DUSP15: variants seen among roughly 807,000 people sequenced by gnomAD.
DUSP15 encodes dual specificity phosphatase 15.
In DUSP15, 23 loss-of-function variants were observed where a neutral mutation model predicts 26.3. The observed-to-expected ratio is 0.87, with a 90% confidence interval of 0.63 to 1.24. The LOEUF (loss-of-function observed/expected upper bound fraction) is 1.24, where lower values mean the gene tolerates loss of function less well. Ranked by LOEUF, DUSP15 falls within the 50% of genes most tolerant of loss-of-function variation. The pLI is 0.00. For synonymous variants in DUSP15, 143 were observed against 135.5 expected, an observed-to-expected ratio of 1.06 and a Z score of -0.39; for missense variants, 364 against 320.6, an observed-to-expected ratio of 1.14 and a Z score of -1.03.
At chr20:31,862,321 G>A (rs1755459310) in intron 6 of DUSP15, among the ~76,000 whole-genome samples, 1 of 152,176 alleles carries the variant, frequency 6.6e-6, no homozygotes, top group Non-Finnish European at 1.5e-5. Flanking sequence ...GGGGAGGGCT[G>A]GAAGACCTGG....
rs760222579 is a variant in DUSP15, at chr20:31,861,604, C to A, written c.507G>T (p.Leu169=). ...FRDEEELRAL[L]PLCKRCRQGS... ...CCTGCCGGCAGCGCTTGCACAGCGGCAGCAGCGCGCGCAACTCCTCCTCGT... is the reference window on the plus strand; with the variant it reads ...CCTGCCGGCAGCGCTTGCACAGCGGAAGCAGCGCGCGCAACTCCTCCTCGT... The change falls in exon 7 of 7, where the codon CTG becomes CTT. Residue 169 remains leucine, a synonymous_variant. Coordinates refer to ENST00000339738, the MANE Select transcript of DUSP15 (RefSeq NM_080611.5). The A allele has an allele frequency of 3.2e-5, 48 of 1,493,040 alleles. No homozygotes were observed. Among genetic ancestry groups the A allele is most frequent in the Admixed American group, 6.6e-5 (3 of 45,406 alleles). The allele number at this position is 1,493,040 out of a possible 1,614,324, so 92.5% of individuals were successfully genotyped here. A position where few individuals can be genotyped will look rare whatever the true frequency, so the allele number is the denominator to read the frequency against.
downstream of DUSP15, among the ~76,000 whole-genome samples, chr20:31,846,434 G>A (rs963158767): frequency 7.7e-6 from 1 of 130,332 alleles, no homozygotes; most frequent in South Asian, 2.3e-4. Flanking sequence ...AGGAGTGAAA[G>A]GAATGAATAG....
chr20:31,849,720 T>A lies in DUSP15; in HGVS notation c.628+18A>T, dbSNP rs745730369. On this transcript the variant is annotated intron_variant, in intron 8 of 9. Transcript: ENST00000278979. ...CCTGCAACACGTGGGCGCTGGGCAA[T>A]GGGTCGGGGAAGCGAACCTGCTGCA... 4.8e-5 allele frequency: 73 copies of A among 1,531,222 alleles called. No individual in the cohort carries two copies. The African/African-American group carries it at 8.6e-4, about 18-fold the overall frequency. 94.9% of individuals were successfully genotyped at this position (1,531,222 alleles called of 1,614,324 possible).
In DUSP15 at chr20:31,848,779, T is replaced by A. The variant is rs1235347951; in HGVS notation, c.726+27A>T. The A allele has an allele frequency of 2.5e-6, 4 of 1,598,974 alleles. No homozygotes were observed. In the African/African-American group the frequency reaches 5.4e-5, roughly 21 times the overall value. The stretch of plus-strand genomic sequence containing the variant: ...TGGAGGGGACTGGAGGGCGTGCTTC[T>A]TGGCTGGAGTGGAAGGAGTGACTCA... On this transcript the variant is annotated intron_variant, in intron 9 of 9. Transcript: ENST00000278979.
At chr20:31,858,549 G>C (rs1212292618), downstream of DUSP15, among the ~76,000 whole-genome samples, 1 of 152,190 alleles carries the variant, frequency 6.6e-6, no homozygotes, top group East Asian at 1.9e-4. The surrounding 1 kb of genome is among the most constrained non-coding windows in gnomAD (Gnocchi z 4.4). Context: ...AGCCTGGAGG[G>C]CATTGATCCT....
intron 6 of DUSP15, among the ~76,000 whole-genome samples, chr20:31,852,428 T>A (rs2062485077): frequency 6.6e-6 from 1 of 152,208 alleles, no homozygotes; most frequent in African/African-American, 2.4e-5. Context: ...AAAGAGATCC[T>A]TGTTGCCAGA....
chr20:31,861,630 C>G lies in DUSP15; in HGVS notation c.481G>C (p.Asp161His). 1 of 1,345,356 alleles carries G rather than the reference C, an allele frequency of 7.4e-7. No homozygotes were observed. The highest frequency in any genetic ancestry group is 9.6e-7 in the Non-Finnish European group (1 of 1,037,994). The allele number at this position is 1,345,356 out of a possible 1,614,324, so 83.3% of individuals were successfully genotyped here. The stretch of plus-strand genomic sequence containing the variant: ...AGCAGCGCGCGCAACTCCTCCTCGT[C>G]GCGGAAGGGGCTCTCGCCGAAGCGC... ...EERFGESPFRDEEELRALLPL... is the reference protein window; with the variant it reads ...EERFGESPFRHEEELRALLPL... The change falls in exon 7 of 7, where the codon GAC becomes CAC. Residue 161 changes from aspartate (D) to histidine (H), a missense_variant. Asp to His is a moderately conservative substitution (Grantham distance 81, BLOSUM62 -1). Coordinates refer to ENST00000339738, the MANE Select transcript of DUSP15 (RefSeq NM_080611.5).
intron 6 of DUSP15, 54 bp downstream of exon 6, chr20:31,862,517 G>T: frequency 4.6e-6 from 7 of 1,524,004 alleles, no homozygotes; most frequent in Non-Finnish European, 6.2e-6. Flanking sequence ...CAGTTCGAGT[G>T]GGAAGAAGGA....
chr20:31,846,215 TAC>T (rs762418563), downstream of DUSP15, among the ~76,000 whole-genome samples: 2 of 122,530 alleles, frequency 1.6e-5, no homozygotes, highest in Non-Finnish European at 3.5e-5. Context: ...CACATAGGCA[TAC>T]ACACAGACAC....
rs561443325 is a variant in DUSP15 at position 31,861,270 on chromosome 20, G to C, written c.*133C>G. The C allele has an allele frequency of 3.7e-6, 5 of 1,363,304 alleles. No individual in the cohort carries two copies. In the African/African-American group the frequency reaches 7.7e-5, roughly 21 times the overall value. The allele number at this position is 1,363,304 out of a possible 1,614,324, so 84.5% of individuals were successfully genotyped here. On this transcript the variant is annotated 3_prime_UTR_variant, in exon 7 of 7. Transcript: ENST00000339738. Reference sequence around the variant, plus strand: ...GACTGCAGACGCGGACGAGCAGGGCGGGCGCGGGAGGCAGGGTTCAGGCCG... The same window carrying C: ...GACTGCAGACGCGGACGAGCAGGGCCGGCGCGGGAGGCAGGGTTCAGGCCG...
At chr20:31,869,832 C>T in intron 1 of DUSP15, 3 of 1,424,784 alleles carry the variant, frequency 2.1e-6, no homozygotes, top group East Asian at 2.6e-5. Context: ...GGGAGGCCAG[C>T]TTGGGTATGA....
chr20:31,865,064 C>T lies in DUSP15; in HGVS notation c.139-62G>A, dbSNP rs920545673. On this transcript the variant is annotated intron_variant, in intron 3 of 6. Coordinates refer to ENST00000339738, the MANE Select transcript of DUSP15 (RefSeq NM_080611.5). ...CCTGCAACCCTCCCTGATGCTGGTCCGAGCTGCCCAGGCAGGGCATAACCC... is the reference window on the plus strand; with the variant it reads ...CCTGCAACCCTCCCTGATGCTGGTCTGAGCTGCCCAGGCAGGGCATAACCC... 3.1e-5 allele frequency: 49 copies of T among 1,587,588 alleles called. No individual in the cohort carries two copies. In the Admixed American group the frequency reaches 3.2e-4, roughly 10 times the overall value.
At chr20:31,852,824 A>AT (rs1568662501) in intron 6 of DUSP15, among the ~76,000 whole-genome samples, 1 of 152,186 alleles carries the variant, frequency 6.6e-6, no homozygotes, top group African/African-American at 2.4e-5. Context: ...AAGAAAAAAA[A>AT]GAACTTGGAG....
chr20:31,869,501 G>A (rs561923577), intron 2 of DUSP15, 63 bp downstream of exon 2: 1 of 1,581,362 alleles, frequency 6.3e-7, no homozygotes, highest in Non-Finnish European at 8.6e-7. Flanking sequence ...GGGCATGAAT[G>A]GTGGACACAG....
intron 4 of DUSP15, 80 bp downstream of exon 4, chr20:31,864,873 C>T: frequency 1.4e-6 from 2 of 1,454,918 alleles, no homozygotes; most frequent in Admixed American, 1.7e-5. Flanking sequence ...AGTACTTTGT[C>T]CTCCTTCAAA....
At chr20:31,854,333 G>A (rs572287140) in intron 6 of DUSP15, among the ~76,000 whole-genome samples, 114 of 152,318 alleles carry the variant, frequency 7.5e-4, no homozygotes, top group African/African-American at 2.3e-3. Flanking sequence ...AATGTCTGTA[G>A]GTGTCAATAC....
At position 31,863,942 on chromosome 20, in the gene DUSP15, G is replaced by A. The variant is rs775796555; in HGVS notation, c.228C>T (p.Cys76=). 6.2e-7 allele frequency: 1 copy of A among 1,614,050 alleles called. No homozygotes were observed. Among genetic ancestry groups the A allele is most frequent in the African/African-American group, 1.3e-5 (1 of 75,014 alleles). ...GGCAGTTCCCCCCATTAAGGCGGCAGCAGTGGATGAAGTTGATACATTCTT... is the reference window on the plus strand; with the variant it reads ...GGCAGTTCCCCCCATTAAGGCGGCAACAGTGGATGAAGTTGATACATTCTT... ...HFKECINFIH[C]CRLNGGNCLV... The change falls in exon 5 of 7, where the codon TGC becomes TGT. Residue 76 remains cysteine (C), a synonymous_variant. Coordinates refer to ENST00000339738, the MANE Select transcript of DUSP15 (RefSeq NM_080611.5).
At chr20:31,857,620 C>T (rs1343914845), downstream of DUSP15, among the ~76,000 whole-genome samples, 4 of 152,240 alleles carry the variant, frequency 2.6e-5, no homozygotes, top group Non-Finnish European at 5.9e-5. Context: ...TCTCTAAATG[C>T]TTCATGTCTT....
exon 10 of DUSP15, chr20:31,848,290 C>A: frequency 1.6e-6 from 2 of 1,255,110 alleles, no homozygotes; most frequent in Admixed American, 5.7e-5. Context: ...AGGCCGCGAT[C>A]CACCTCTGCC....
Sources: allele counts gnomAD v4.1 joint callset (sites outside exome capture counted in the v4.1 genomes callset), GRCh38; gene constraint gnomAD v4.1.1; non-coding constraint Gnocchi (gnomAD v3.1); transcripts MANE v1.5; gene names NCBI Gene and HGNC (gene_info 2026-07-23, HGNC 2026-07-21).